Variants in KIF20A observed in about 807,000 individuals in gnomAD.
KIF20A encodes the protein kinesin family member 20A.
Under a neutral mutation model 113.0 loss-of-function variants are expected in KIF20A, and 66 were observed. The observed-to-expected ratio is 0.58, with a 90% CI of 0.48 to 0.72. The LOEUF (loss-of-function observed/expected upper bound fraction) is 0.72. KIF20A is among the 30% of genes least tolerant of loss of function. The pLI is 0.00. For missense variants in KIF20A, 927 were observed against 1,077.6 expected (o/e 0.86, Z 1.96); for synonymous variants, 376 against 402.3 (o/e 0.93, Z 0.78).
In KIF20A at chr5:138,179,152, C is replaced by T. The variant is rs1217694554; in HGVS notation, c.-72C>T. ...GGCTGCGAAAGTCCAGCTTCGGCGA[C>T]TAGGTGTGAGTAAGCCAGTATCCCA... On this transcript the variant is annotated 5_prime_UTR_variant, in exon 1 of 19. Coordinates refer to ENST00000394894, the MANE Select transcript of KIF20A (RefSeq NM_005733.3). 5.6e-6 allele frequency: 1 copy of T among 178,476 alleles called. No homozygotes were observed. Among genetic ancestry groups the T allele is most frequent in the African/African-American group, 2.4e-5 (1 of 41,798 alleles). 11.1% of individuals were successfully genotyped at this position (178,476 alleles called of 1,614,324 possible). A position where few individuals can be genotyped will look rare whatever the true frequency, so the allele number is the denominator to read the frequency against.
intron 1 of KIF20A, 191 bp from the exon 2 acceptor site, chr5:138,179,469 G>A: frequency 1.9e-6 from 1 of 539,100 alleles, no homozygotes; most frequent in Non-Finnish European, 3.3e-6. Flanking sequence ...CAGAAATGCC[G>A]CCTCAAACTT....
At chr5:138,181,548 A>G in intron 3 of KIF20A, 37 bp downstream of exon 3, 1 of 1,614,068 alleles carries the variant, frequency 6.2e-7, no homozygotes, top group African/African-American at 1.3e-5. Flanking sequence ...AGGTGAAATG[A>G]TGCAGTACAA....
intron 12 of KIF20A, 23 bp from the exon 13 acceptor site, chr5:138,184,485 CAAGT>C (rs1306871546): frequency 6.2e-7 from 1 of 1,610,594 alleles, no homozygotes; most frequent in African/African-American, 1.3e-5. Flanking sequence ...CTTATGGAGT[CAAGT>C]AAGATATTTT....
rs1301456157 is a variant in KIF20A, at chr5:138,187,163, C to T, written c.2423C>T (p.Ala808Val). Residue 808 changes from alanine to valine, a missense_variant, in exon 19 of 19, where the codon GCA (alanine) becomes GTA (valine). Transcript: ENST00000394894. Reference sequence around the variant, plus strand: ...AAACTGGACCTTCGGAAGAAGGCAGCATGTATTGCTGAGCAGTATCATACT... The same window carrying T: ...AAACTGGACCTTCGGAAGAAGGCAGTATGTATTGCTGAGCAGTATCATACT... ...LVKLDLRKKA[A>V]CIAEQYHTVL... 2 of 1,613,986 alleles carry T rather than the reference C, an allele frequency of 1.2e-6. No homozygotes were observed. Among genetic ancestry groups the T allele is most frequent in the Non-Finnish European group, 1.7e-6 (2 of 1,179,874 alleles).
chr5:138,184,350 A>G lies in KIF20A; in HGVS notation c.1464A>G (p.Ala488=), dbSNP rs755482200. Residue 488 remains alanine (A), a synonymous_variant, in exon 12 of 19, where the codon GCA becomes GCG. Transcript: ENST00000394894. ...TGATTGTCAATGTGAATCCCTGTGC[A>G]TCTACCTATGATGAAACTCTTCATG... ...SCMIVNVNPC[A]STYDETLHVA... is the part of the protein sequence containing the mutation. The G allele has an allele frequency of 6.3e-5, 101 of 1,614,098 alleles. No individual in the cohort carries two copies. Among genetic ancestry groups the G allele is most frequent in the Non-Finnish European group, 8.3e-5 (98 of 1,180,044 alleles).
At chr5:138,182,143 G>A (rs1255339582) in intron 4 of KIF20A, among the ~76,000 whole-genome samples, 180 bp from the exon 5 acceptor site, 1 of 152,178 alleles carries the variant, frequency 6.6e-6, no homozygotes, top group Admixed American at 6.5e-5. Context: ...GTGGAAAGAT[G>A]GACTAGCAGA....
At position 138,183,284 on chromosome 5, in the gene KIF20A, A is replaced by G. The variant is rs963443845; in HGVS notation, c.948A>G (p.Leu316=). The G allele has an allele frequency of 1.6e-5, 26 of 1,614,246 alleles. 1 individual carries two copies. In the East Asian group the frequency reaches 5.6e-4, roughly 35 times the overall value. Residue 316 remains leucine, a synonymous_variant, in exon 8 of 19, where the codon CTA becomes CTG. Transcript: ENST00000394894. The surrounding 1 kb of genome is among the most constrained non-coding windows in gnomAD (Gnocchi z 5.2). ...TCTACAACGAACTGCTTTATGACCT[A>G]TTAGAACCGCCTAGCCAACAGCGCA... is the stretch of plus-strand genomic sequence containing the variant. ...FEIYNELLYD[L]LEPPSQQRKR...
chr5:138,185,062 A>G, intron 14 of KIF20A, 33 bp from the exon 15 acceptor site: 6 of 1,598,324 alleles, frequency 3.8e-6, no homozygotes, highest in Non-Finnish European at 5.1e-6. Context: ...CAGAACCTTC[A>G]CTTACCTCTC....
Position 138,186,381 on chromosome 5 carries a change from G to A in KIF20A, c.2305G>A (p.Gly769Arg), listed in dbSNP as rs2151234312. ...ERACCHSTGAGKLRQALTTCD... is the reference protein window; with the variant it reads ...ERACCHSTGARKLRQALTTCD... The stretch of plus-strand genomic sequence containing the variant: ...AGCTTGTTGCCACAGCACTGGGGCA[G>A]GAAAACTTCGTCAAGCCTTGACCAC... The change falls in exon 18 of 19, where the codon GGA becomes AGA. Residue 769 changes from glycine to arginine, a missense_variant. Transcript: ENST00000394894. 1 of 1,610,154 alleles carries A rather than the reference G, an allele frequency of 6.2e-7. No individual in the cohort carries two copies. Among genetic ancestry groups the A allele is most frequent in the Non-Finnish European group, 8.5e-7 (1 of 1,179,174 alleles).
Position 138,187,401 on chromosome 5 carries a change from CA to C in KIF20A, c.2666del (p.Lys889SerfsTer22). 6.2e-7 allele frequency: 1 copy of C among 1,610,680 alleles called. No homozygotes were observed. Among genetic ancestry groups the C allele is most frequent in the Non-Finnish European group, 8.5e-7 (1 of 1,178,698 alleles). On this transcript the variant is annotated frameshift_variant, in exon 19 of 19. Coordinates refer to ENST00000394894, the MANE Select transcript of KIF20A (RefSeq NM_005733.3). LOFTEE classifies it high-confidence loss of function. The part of the protein sequence containing the change: ...SPLLKSGPFG[K>X]KY ...CTTTACTCAAATCTGGGCCTTTTGGCAAAAAGTACTAAGGCTGTGGGGAAAG... is the reference window on the plus strand; with the variant it reads ...CTTTACTCAAATCTGGGCCTTTTGGCAAAAGTACTAAGGCTGTGGGGAAAG...
rs142351139 is a variant in KIF20A at position 138,179,696 on chromosome 5, C to G, written c.16C>G (p.Leu6Val). 6 of 1,614,018 alleles carry G rather than the reference C, an allele frequency of 3.7e-6. No individual in the cohort carries two copies. In the African/African-American group the frequency reaches 8.0e-5, roughly 22 times the overall value. The change falls in exon 2 of 19, where the codon CTT becomes GTT. Residue 6 changes from leucine (L) to valine (V), a missense_variant. Physicochemically the swap from Leu to Val is conservative, Grantham distance 32. Transcript: ENST00000394894. MSQGI[L>V]SPPAGLLSDD... ...CCCTGCCGTCATGTCGCAAGGGATCCTTTCTCCGCCAGCGGGCTTGCTGTC... is the reference window on the plus strand; with the variant it reads ...CCCTGCCGTCATGTCGCAAGGGATCGTTTCTCCGCCAGCGGGCTTGCTGTC...
chr5:138,183,091 G>A lies in KIF20A; in HGVS notation c.833-78G>A. On this transcript the variant is annotated intron_variant, in intron 7 of 18. Coordinates refer to ENST00000394894, the MANE Select transcript of KIF20A (RefSeq NM_005733.3). The surrounding 1 kb of genome is among the most constrained non-coding windows in gnomAD (Gnocchi z 5.2). ...GACCAGAGGTTGCAATCTAAGGTCT[G>A]CCTTCCAAGGCCCCTGCAGGCCAAA... 6.3e-7 allele frequency: 1 copy of A among 1,599,874 alleles called. No individual in the cohort carries two copies. The highest frequency in any genetic ancestry group is 8.5e-7 in the Non-Finnish European group (1 of 1,170,954).
Position 138,185,195 on chromosome 5 carries a change from C to A in KIF20A, c.1924C>A (p.Gln642Lys). ...GACAAGTTTTTACCAAGAAGAGATTCAGGTGAGTTGCCCTGAGCCAGCTCC... is the reference window on the plus strand; with the variant it reads ...GACAAGTTTTTACCAAGAAGAGATTAAGGTGAGTTGCCCTGAGCCAGCTCC... ...SLTSFYQEEI[Q>K]ERDEKIEELE... The change falls in exon 15 of 19, where the codon CAG (glutamine) becomes AAG (lysine). Residue 642 changes from glutamine to lysine, a missense_variant and splice_region_variant. Gln to Lys is a moderately conservative substitution (Grantham distance 53, BLOSUM62 1). Transcript: ENST00000394894. The A allele has an allele frequency of 6.2e-7, 1 of 1,606,406 alleles. No homozygotes were observed. The highest frequency in any genetic ancestry group is 8.5e-7 in the Non-Finnish European group (1 of 1,173,400).
chr5:138,186,114 C>T (rs1754740639), intron 17 of KIF20A, 62 bp downstream of exon 17: 2 of 1,519,666 alleles, frequency 1.3e-6, no homozygotes, highest in South Asian at 2.3e-5. Flanking sequence ...ACATCCAACA[C>T]TCTATCACTG....
In KIF20A at chr5:138,183,833, G is replaced by T. The variant is rs893320477; in HGVS notation, c.1208+77G>T. ...GGAAAGCATGGAGGAGGTCCTCAGG[G>T]GAACTATGTGTTCTCCTTCTTTGGG... On this transcript the variant is annotated intron_variant, in intron 10 of 18. Coordinates refer to ENST00000394894, the MANE Select transcript of KIF20A (RefSeq NM_005733.3). The surrounding 1 kb of genome is among the most constrained non-coding windows in gnomAD (Gnocchi z 5.2). The T allele has an allele frequency of 1.3e-6, 2 of 1,555,000 alleles. No individual in the cohort carries two copies. Among genetic ancestry groups the T allele is most frequent in the African/African-American group, 2.7e-5 (2 of 73,420 alleles).
rs545828501 is a variant in KIF20A, at chr5:138,187,687, A to C, written c.*274A>C. The C allele has an allele frequency of 2.0e-4, 59 of 295,398 alleles. No individual in the cohort carries two copies. The highest frequency in any genetic ancestry group is 6.3e-4 in the Admixed American group (13 of 20,782). The allele number at this position is 295,398 out of a possible 1,614,324, so 18.3% of individuals were successfully genotyped here. On this transcript the variant is annotated 3_prime_UTR_variant, in exon 19 of 19. Coordinates refer to ENST00000394894, the MANE Select transcript of KIF20A (RefSeq NM_005733.3). ...TTTTTTATTGAATTCCAAATGTAGC[A>C]AAATCATTAAAACAAATTATAAAAG...
chr5:138,185,673 ACAG>A lies in KIF20A; in HGVS notation c.2092_2094del (p.Gln698del). Reference sequence around the variant, plus strand: ...AGCTTCAGGAGGTTAAAGCTAAATTACAGCAGTGCAAAGCAGAGCTAAACTCTA... The same window carrying A: ...AGCTTCAGGAGGTTAAAGCTAAATTACAGTGCAAAGCAGAGCTAAACTCTA... On this transcript the variant is annotated inframe_deletion, in exon 16 of 19. Transcript: ENST00000394894. 6.2e-7 allele frequency: 1 copy of A among 1,614,204 alleles called. No homozygotes were observed. Among genetic ancestry groups the A allele is most frequent in the East Asian group, 2.2e-5 (1 of 44,890 alleles).
rs770428473 is a variant in KIF20A at position 138,184,930 on chromosome 5, CG to C, written c.1810del (p.Glu604AsnfsTer23). ...CNEMVEQMQQ[R>X]EQWCSEHLDT... ...TGAGATGGTAGAACAGATGCAACAG[CG>C]GGAACAGTGGTGCAGGTACTAGCTG... On this transcript the variant is annotated frameshift_variant, in exon 14 of 19. Transcript: ENST00000394894. LOFTEE classifies it high-confidence loss of function. 5 of 1,614,094 alleles carry C rather than the reference CG, an allele frequency of 3.1e-6. No homozygotes were observed. The Admixed American group carries it at 5.0e-5, about 16-fold the overall frequency.
intron 1 of KIF20A, 21 bp from the exon 2 acceptor site, chr5:138,179,639 C>A (rs1436313812): frequency 6.2e-7 from 1 of 1,610,720 alleles, no homozygotes; most frequent in Admixed American, 1.7e-5. Context: ...TCTCCCTGCC[C>A]ACTTTTTGGT....
Sources: allele counts gnomAD v4.1 joint callset (sites outside exome capture counted in the v4.1 genomes callset), GRCh38; gene constraint gnomAD v4.1.1; non-coding constraint Gnocchi (gnomAD v3.1); transcripts MANE v1.5; gene names NCBI Gene and HGNC (gene_info 2026-07-23, HGNC 2026-07-21).